COL19A1: variants seen among roughly 807,000 people sequenced by gnomAD.
The protein encoded by COL19A1 is collagen type XIX alpha 1 chain, also known as collagen alpha-1(XIX) chain.
Under a neutral mutation model 190.2 loss-of-function variants are expected in COL19A1, and 159 were observed. The ratio of observed to expected loss-of-function variants is 0.84; its 90% confidence interval spans 0.73 to 0.95. COL19A1 has a LOEUF of 0.95. Ranked by LOEUF, COL19A1 falls within the 40% of genes least tolerant of loss-of-function variation. The probability of loss-of-function intolerance (pLI) is 0.00; values close to 1 mark genes in which losing one functional copy is unlikely to be tolerated. For synonymous variants in COL19A1, 509 were observed against 458.9 expected, an observed-to-expected ratio of 1.11 and a Z score of -1.39; for missense variants, 1,418 against 1,431.9, an observed-to-expected ratio of 0.99 and a Z score of 0.16.
rs989703472 is a variant in COL19A1 at position 70,138,328 on chromosome 6, T to C, written c.1446+581T>C. On this transcript the variant is annotated intron_variant, in intron 19 of 50. Transcript: ENST00000620364. Reference sequence around the variant, plus strand: ...GTGGCCAGTTTCTTTCAAAATGTAGTTCTTTTTGTGGGGAAAAAGAGAAAA... The same window carrying C: ...GTGGCCAGTTTCTTTCAAAATGTAGCTCTTTTTGTGGGGAAAAAGAGAAAA... Among the ~76,000 whole-genome samples, 35 of 152,188 alleles carry C rather than the reference T, an allele frequency of 2.3e-4. 1 individual carries two copies. Among genetic ancestry groups the C allele is most frequent in the African/African-American group, 7.5e-4 (31 of 41,458 alleles).
At chr6:69,983,994 C>A (rs1165524257) in intron 11 of COL19A1, among the ~76,000 whole-genome samples, 1 of 151,986 alleles carries the variant, frequency 6.6e-6, no homozygotes, top group Non-Finnish European at 1.5e-5. Flanking sequence ...AACCCCTTTT[C>A]TTGTTTCCAG....
intron 15 of COL19A1, among the ~76,000 whole-genome samples, chr6:70,072,942 G>C (rs1025777787): frequency 2.7e-5 from 4 of 149,704 alleles, no homozygotes; most frequent in Non-Finnish European, 5.9e-5. Context: ...ACAGACTTTG[G>C]GGCCAGATTG....
At chr6:69,945,847 G>C (rs1409882683) in intron 9 of COL19A1, among the ~76,000 whole-genome samples, 1 of 151,982 alleles carries the variant, frequency 6.6e-6, no homozygotes, top group Non-Finnish European at 1.5e-5. Context: ...CCAAGTGTTA[G>C]TGACAGAGAA....
chr6:70,063,568 A>G lies in COL19A1; in HGVS notation c.1171-4855A>G, dbSNP rs567703982. On this transcript the variant is annotated intron_variant, in intron 14 of 50. Transcript: ENST00000620364. ...TTGACACCCCAACATCGCAATTAAA[A>G]GAACTAGAGAAGCAAGAGCAAACAC... 7.9e-5 allele frequency among the ~76,000 whole-genome samples: 12 copies of G among 152,336 alleles called. No homozygotes were observed. The South Asian group carries it at 1.7e-3, about 21-fold the overall frequency.
intron 49 of COL19A1, 97 bp downstream of exon 49, chr6:70,199,833 C>T: frequency 8.6e-7 from 1 of 1,157,666 alleles, no homozygotes; most frequent in Non-Finnish European, 1.2e-6. Context: ...TATGTATGTC[C>T]TTTATTTATA....
chr6:70,143,324 A>G (rs1786385993), intron 23 of COL19A1, among the ~76,000 whole-genome samples: 1 of 152,172 alleles, frequency 6.6e-6, no homozygotes, highest in African/African-American at 2.4e-5. Context: ...ACCTAGCTTT[A>G]GTGGACTTAA....
intron 15 of COL19A1, among the ~76,000 whole-genome samples, chr6:70,072,890 T>C (rs1182919386): frequency 2.0e-5 from 3 of 152,176 alleles, no homozygotes; most frequent in African/African-American, 7.2e-5. Flanking sequence ...CACTTTCATC[T>C]TATGGTGCAA....
intron 49 of COL19A1, among the ~76,000 whole-genome samples, chr6:70,201,348 C>G (rs889190332): frequency 4.6e-5 from 7 of 152,224 alleles, no homozygotes; most frequent in African/African-American, 1.4e-4. Context: ...AGAGGCAATT[C>G]TAAACCCACA....
intron 46 of COL19A1, 95 bp from the exon 47 acceptor site, chr6:70,187,979 CA>C: frequency 7.2e-7 from 1 of 1,397,506 alleles, no homozygotes; most frequent in South Asian, 1.4e-5. Context: ...CAAGGCCCAA[CA>C]GCTAATAAGT....
chr6:70,097,539 G>A (rs77049969), intron 15 of COL19A1, among the ~76,000 whole-genome samples: 6,586 of 152,024 alleles, frequency 0.043, 472 homozygotes, highest in African/African-American at 0.15. Flanking sequence ...AATTCTGCGA[G>A]TGAGGCTCAG....
At chr6:69,928,228 G>A (rs536295161) in intron 5 of COL19A1, among the ~76,000 whole-genome samples, 196 bp downstream of exon 5, 25 of 152,118 alleles carry the variant, frequency 1.6e-4, no homozygotes, top group African/African-American at 6.0e-4. Context: ...TGAGAGTATA[G>A]TGGTAAACAT....
intron 14 of COL19A1, among the ~76,000 whole-genome samples, chr6:70,061,721 G>T (rs1780839128): frequency 6.6e-6 from 1 of 152,004 alleles, no homozygotes; most frequent in Non-Finnish European, 1.5e-5. Context: ...TGAATGAGCT[G>T]TCAGCATTTG....
intron 14 of COL19A1, among the ~76,000 whole-genome samples, chr6:70,050,328 T>G (rs982202993): frequency 6.6e-6 from 1 of 152,054 alleles, no homozygotes; most frequent in Non-Finnish European, 1.5e-5. Flanking sequence ...CAAATGTTTA[T>G]AGAGAACTTT....
At chr6:70,135,428 G>A (rs1041700423) in intron 18 of COL19A1, among the ~76,000 whole-genome samples, 6 of 152,144 alleles carry the variant, frequency 3.9e-5, no homozygotes, top group African/African-American at 1.4e-4. Context: ...AAGCTACCTA[G>A]GGGCTGCCAG....
intron 42 of COL19A1, 120 bp downstream of exon 42, chr6:70,176,684 C>T: frequency 1.3e-6 from 1 of 746,742 alleles, no homozygotes; most frequent in South Asian, 3.0e-5. Flanking sequence ...GCATTAGGTT[C>T]CTGACAATTC....
intron 16 of COL19A1, among the ~76,000 whole-genome samples, chr6:70,106,777 T>G (rs1783996126): frequency 6.6e-6 from 1 of 152,202 alleles, no homozygotes; most frequent in African/African-American, 2.4e-5. Flanking sequence ...TGCTATCTTG[T>G]CCTAAGCGAA....
At position 70,121,577 on chromosome 6, in the gene COL19A1, A is replaced by G. The variant is rs1784880275; in HGVS notation, c.1279-303A>G. 2.0e-5 allele frequency among the ~76,000 whole-genome samples: 3 copies of G among 152,166 alleles called. No homozygotes were observed. In the South Asian group the frequency reaches 6.2e-4, roughly 31 times the overall value. On this transcript the variant is annotated intron_variant, in intron 16 of 50. Coordinates refer to ENST00000620364, the MANE Select transcript of COL19A1 (RefSeq NM_001858.6). ...GAAGAGTTATACCCTCTTCTCTGGG[A>G]GGGTCTTATGGGTATAATTCCTTTC...
chr6:69,933,563 A>C (rs1028396416), intron 7 of COL19A1, among the ~76,000 whole-genome samples: 56 of 152,042 alleles, frequency 3.7e-4, no homozygotes, highest in African/African-American at 1.3e-3. Flanking sequence ...GTGAAATATA[A>C]ATGCAGTTTC....
intron 23 of COL19A1, 69 bp downstream of exon 23, chr6:70,142,889 C>A: frequency 2.1e-6 from 3 of 1,411,134 alleles, no homozygotes; most frequent in South Asian, 1.2e-5. Context: ...AAAACATCAA[C>A]ATGTGTTCAA....
Sources: allele counts gnomAD v4.1 joint callset (sites outside exome capture counted in the v4.1 genomes callset), GRCh38; gene constraint gnomAD v4.1.1; transcripts MANE v1.5; gene names NCBI Gene and HGNC (gene_info 2026-07-23, HGNC 2026-07-21).